The following SLC35D4 variants were observed in gnomAD, a reference collection of about 807,000 sequenced individuals.
The protein encoded by SLC35D4 is UDP-N-acetylglucosamine transporter SLC35D4.
the SLC35D4 span, among the ~76,000 whole-genome samples, chr18:23,352,596 T>C: frequency 6.6e-6 from 1 of 152,208 alleles, no homozygotes; most frequent in African/African-American, 2.4e-5. Flanking sequence ...TTCCTTCCCA[T>C]AGAACTTCTG....
chr18:23,399,613 G>A, the SLC35D4 span: 1 of 1,613,854 alleles, frequency 6.2e-7, no homozygotes, highest in Admixed American at 1.7e-5. Flanking sequence ...CCCACAAACA[G>A]CACTGAAGCA....
At chr18:23,247,542 C>T in the SLC35D4 span, among the ~76,000 whole-genome samples, 9 of 152,210 alleles carry the variant, frequency 5.9e-5, no homozygotes, top group East Asian at 1.3e-3. Context: ...GAGCAGGACA[C>T]GGAACAGCCC....
chr18:23,378,450 G>A, the SLC35D4 span, among the ~76,000 whole-genome samples: 6 of 152,084 alleles, frequency 3.9e-5, no homozygotes, highest in African/African-American at 9.7e-5. Flanking sequence ...CAGAAAAAAG[G>A]AGAAGGGACA....
At chr18:23,386,227 G>C in the SLC35D4 span, among the ~76,000 whole-genome samples, 1 of 151,894 alleles carries the variant, frequency 6.6e-6, no homozygotes, top group African/African-American at 2.4e-5. Flanking sequence ...GGCAACAAAG[G>C]ATCTTTGCAA....
chr18:23,411,467 AAAAG>A, the SLC35D4 span, among the ~76,000 whole-genome samples: 3 of 136,238 alleles, frequency 2.2e-5, no homozygotes, highest in Non-Finnish European at 1.6e-5. Context: ...AAAGAAAGAA[AAAAG>A]AAAGAAAGAG....
the SLC35D4 span, among the ~76,000 whole-genome samples, chr18:23,415,573 G>A: frequency 6.6e-6 from 1 of 152,210 alleles, no homozygotes; most frequent in Admixed American, 6.5e-5. Context: ...GTCTCACGGT[G>A]CTAACAGATG....
chr18:23,244,027 T>C, the SLC35D4 span, among the ~76,000 whole-genome samples: 1 of 152,260 alleles, frequency 6.6e-6, no homozygotes, highest in African/African-American at 2.4e-5. Context: ...GCTCTCTTTC[T>C]ATGTATTTGT....
chr18:23,243,472 T>TTTTTTTTTTTTTTTTTTTTTTG, the SLC35D4 span, among the ~76,000 whole-genome samples: 1 of 149,868 alleles, frequency 6.7e-6, no homozygotes, highest in African/African-American at 2.4e-5. Context: ...TTTGGTGTTT[T>TTTTTTTTTTTTTTTTTTTTTTG]TTTTTTTTTT....
the SLC35D4 span, among the ~76,000 whole-genome samples, chr18:23,420,094 G>T: frequency 6.6e-6 from 1 of 151,864 alleles, no homozygotes; most frequent in African/African-American, 2.4e-5. Context: ...ACCTGAGGTC[G>T]GGAGTTCAAG....
chr18:23,255,870 T>G, the SLC35D4 span, among the ~76,000 whole-genome samples: 1 of 152,116 alleles, frequency 6.6e-6, no homozygotes, highest in Non-Finnish European at 1.5e-5. Context: ...CAAGAATTAA[T>G]GAATCTTTTG....
At chr18:23,286,583 A>G in the SLC35D4 span, among the ~76,000 whole-genome samples, 3 of 151,848 alleles carry the variant, frequency 2.0e-5, no homozygotes, top group African/African-American at 7.3e-5. Flanking sequence ...GCCGAGCTTC[A>G]GGTAACTCTC....
chr18:23,345,776 A>T, the SLC35D4 span, among the ~76,000 whole-genome samples: 1 of 151,972 alleles, frequency 6.6e-6, no homozygotes, highest in Non-Finnish European at 1.5e-5. Context: ...AATTTAGCAA[A>T]AATTTCCATC....
chr18:23,370,835 A>G, the SLC35D4 span, among the ~76,000 whole-genome samples: 1 of 152,232 alleles, frequency 6.6e-6, no homozygotes, highest in African/African-American at 2.4e-5. Context: ...GACTTGAGCA[A>G]GTGAAACCCC....
chr18:23,326,305 C>A, the SLC35D4 span, among the ~76,000 whole-genome samples: 1 of 152,136 alleles, frequency 6.6e-6, no homozygotes, highest in African/African-American at 2.4e-5. Context: ...ATTCAGGAGA[C>A]CCATCTCACG....
the SLC35D4 span, among the ~76,000 whole-genome samples, chr18:23,325,433 G>T: frequency 2.6e-5 from 4 of 152,046 alleles, no homozygotes; most frequent in Admixed American, 6.5e-5. Flanking sequence ...CACCAGGGTG[G>T]CTGCTGTGCA....
chr18:23,411,365 G>A, the SLC35D4 span, among the ~76,000 whole-genome samples: 1 of 147,824 alleles, frequency 6.8e-6, no homozygotes, highest in Non-Finnish European at 1.5e-5. Flanking sequence ...GAAGGGAAGG[G>A]AGAGAAGAGA....
chr18:23,426,695 A>G, the SLC35D4 span, among the ~76,000 whole-genome samples: 1 of 152,256 alleles, frequency 6.6e-6, no homozygotes, highest in Non-Finnish European at 1.5e-5. Flanking sequence ...ACCAAAAAAG[A>G]TCCCACATTG....
the SLC35D4 span, among the ~76,000 whole-genome samples, chr18:23,243,563 A>G: frequency 1.4e-5 from 2 of 139,906 alleles, no homozygotes; most frequent in African/African-American, 2.7e-5. Context: ...AGCCTCTTTT[A>G]CAATTCATTT....
the SLC35D4 span, chr18:23,257,245 C>A: frequency 1.2e-6 from 2 of 1,605,638 alleles, no homozygotes; most frequent in East Asian, 2.2e-5. Flanking sequence ...AGAGAAGTTC[C>A]GGCTGAACAG....
Sources: gnomAD v4.1 joint callset for allele counts (sites outside exome capture counted in the v4.1 genomes callset) on GRCh38, gnomAD v4.1.1 for gene constraint, MANE v1.5 for transcripts, NCBI Gene and HGNC (gene_info 2026-07-23, HGNC 2026-07-21) for gene names.